The following SDS variants were observed in gnomAD, a reference collection of about 807,000 sequenced individuals.
The protein encoded by SDS is serine dehydratase, also known as L-serine dehydratase/L-threonine deaminase.
In SDS, 19 loss-of-function variants were observed where a neutral mutation model predicts 29.3. That is an observed-to-expected ratio of 0.65 (90% confidence interval 0.45 to 0.95). The LOEUF is 0.95. SDS is among the 40% of genes least tolerant of loss of function. The pLI is 0.00. For synonymous variants in SDS, 176 were observed against 189.0 expected (o/e 0.93, Z 0.56); for missense variants, 375 against 439.9 (o/e 0.85, Z 1.32).
At position 113,398,523 on chromosome 12, in the gene SDS, G is replaced by C. The variant is rs1282564144; in HGVS notation, c.417C>G (p.Pro139=). 1 of 1,590,144 alleles carries C rather than the reference G, an allele frequency of 6.3e-7. No individual in the cohort carries two copies. The highest frequency in any genetic ancestry group is 1.4e-5 in the African/African-American group (1 of 73,640). The change falls in exon 5 of 8, where the codon CCC becomes CCG. Residue 139 remains proline, a synonymous_variant. Coordinates refer to ENST00000257549, the MANE Select transcript of SDS (RefSeq NM_006843.3). The part of the protein sequence containing the change: ...GWVYIPPFDD[P]LIWEGHASIV... ...CCTTGAACTCCACATACCAGATGAG[G>C]GGGTCATCAAAGGGGGGAATGTAGA... is the stretch of plus-strand genomic sequence containing the variant.
chr12:113,402,012 C>T (rs1220689995), intron 1 of SDS, among the ~76,000 whole-genome samples: 2 of 152,108 alleles, frequency 1.3e-5, no homozygotes, highest in Non-Finnish European at 2.9e-5. Context: ...GACATCCATC[C>T]CCCGCTCCCA....
At chr12:113,396,549 CCTT>C in intron 6 of SDS, 1 of 33,256 alleles carries the variant, frequency 3.0e-5, no homozygotes, top group Non-Finnish European at 6.6e-5. Flanking sequence ...TCTCTCCCTT[CCTT>C]CCTTCCTTCC....
Position 113,397,185 on chromosome 12 carries a change from G to C in SDS, c.633C>G (p.Val211=). ...FHAATTAGKL[V]SLPKITSVAK... ...CTCACCTGGTGATCTTGGGCAGGGAGACAAGTTTGCCTGCGGTGGTGGCAG... is the reference window on the plus strand; with the variant it reads ...CTCACCTGGTGATCTTGGGCAGGGACACAAGTTTGCCTGCGGTGGTGGCAG... Residue 211 remains valine (V), a synonymous_variant, in exon 6 of 8, where the codon GTC becomes GTG. Transcript: ENST00000257549. 6.2e-7 allele frequency: 1 copy of C among 1,614,212 alleles called. No homozygotes were observed. The highest frequency in any genetic ancestry group is 8.5e-7 in the Non-Finnish European group (1 of 1,180,018).
chr12:113,399,281 C>T (rs765864222), intron 2 of SDS, 130 bp from the exon 3 acceptor site: 1 of 1,073,268 alleles, frequency 9.3e-7, no homozygotes. Context: ...TTTGTTCTAC[C>T]CTTGTCTGAG....
At position 113,397,320 on chromosome 12, in the gene SDS, T is replaced by A. The variant is rs201884808; in HGVS notation, c.498A>T (p.Ser166=). The change falls in exon 6 of 8, where the codon TCA becomes TCT. Residue 166 remains serine (S), a synonymous_variant. Coordinates refer to ENST00000257549, the MANE Select transcript of SDS (RefSeq NM_006843.3). ...CACACAGCAGGCCCCCGCCGCCCAC[T>A]GACAGCGCGATGGCCCCCGGCTTTT... is the stretch of plus-strand genomic sequence containing the variant. ...LWEKPGAIAL[S]VGGGGLLCGV... The A allele has an allele frequency of 2.7e-5, 43 of 1,613,946 alleles. No homozygotes were observed. The highest frequency in any genetic ancestry group is 3.0e-5 in the Non-Finnish European group (35 of 1,179,964).
At position 113,397,389 on chromosome 12, in the gene SDS, T is replaced by C. The variant is rs777510966; in HGVS notation, c.429A>G (p.Glu143=). 1 of 1,602,742 alleles carries C rather than the reference T, an allele frequency of 6.2e-7. No homozygotes were observed. Among genetic ancestry groups the C allele is most frequent in the Non-Finnish European group, 8.5e-7 (1 of 1,171,672 alleles). Residue 143 remains glutamate, a synonymous_variant, in exon 6 of 8, where the codon GAA becomes GAG. Transcript: ENST00000257549. ...IPPFDDPLIW[E]GHASIVKELK... ...GCTCTTTCACGATGGAAGCGTGGCC[T>C]TCCCTGGAGGGTGGGGAGAGGGGGT...
At chr12:113,394,235 C>T (rs1014092458) in intron 6 of SDS, among the ~76,000 whole-genome samples, 2 of 151,920 alleles carry the variant, frequency 1.3e-5, no homozygotes, top group African/African-American at 4.8e-5. Context: ...TTTGAATTGA[C>T]ATCATATAGT....
chr12:113,399,113 C>T lies in SDS; in HGVS notation c.192G>A (p.Ser64=), dbSNP rs745596901. The T allele has an allele frequency of 5.0e-6, 8 of 1,614,004 alleles. No individual in the cohort carries two copies. The highest frequency in any genetic ancestry group is 5.9e-6 in the Non-Finnish European group (7 of 1,179,946). ...KQGCAHFVCS[S]AGNAGMAAAY... ...AGGATGGGGAAGCAGATCACTTACC[C>T]GAGGAGCAGACAAAATGTGCACAGC... The change falls in exon 3 of 8, where the codon TCG becomes TCA. Residue 64 remains serine, a splice_region_variant and synonymous_variant. Transcript: ENST00000257549.
At chr12:113,403,567 C>T (rs1005643275) in intron 1 of SDS, among the ~76,000 whole-genome samples, 1 of 151,954 alleles carries the variant, frequency 6.6e-6, no homozygotes, top group Non-Finnish European at 1.5e-5. Flanking sequence ...GGGGGTCTCA[C>T]TCTGTTGCCC....
In SDS at chr12:113,392,889, CCTCCAGGGGTCT is replaced by C; in HGVS notation, c.*40_*51del. ...CGAGGCGCTGGATAAAACTCCAGCC[CCTCCAGGGGTCT>C]CTTGGGCTAGGAGAGCACAGATCGG... On this transcript the variant is annotated 3_prime_UTR_variant, in exon 8 of 8. Coordinates refer to ENST00000257549, the MANE Select transcript of SDS (RefSeq NM_006843.3). 6.5e-7 allele frequency: 1 copy of C among 1,547,364 alleles called. No individual in the cohort carries two copies. Among genetic ancestry groups the C allele is most frequent in the Non-Finnish European group, 8.9e-7 (1 of 1,127,330 alleles).
chr12:113,395,683 C>T (rs2136933078), intron 6 of SDS, among the ~76,000 whole-genome samples: 1 of 152,314 alleles, frequency 6.6e-6, no homozygotes, highest in African/African-American at 2.4e-5. Context: ...GACTGAAACA[C>T]TACATGCTAA....
chr12:113,403,417 G>T (rs1002172348), intron 1 of SDS, among the ~76,000 whole-genome samples: 1 of 152,052 alleles, frequency 6.6e-6, no homozygotes, highest in Non-Finnish European at 1.5e-5. Flanking sequence ...CAAGCTACTC[G>T]GGAGGCTGAG....
At chr12:113,399,926 C>T (rs1957674131) in intron 1 of SDS, among the ~76,000 whole-genome samples, 1 of 152,200 alleles carries the variant, frequency 6.6e-6, no homozygotes, top group African/African-American at 2.4e-5. Flanking sequence ...TCAGGGATCA[C>T]CCTCCACTCC....
In SDS at chr12:113,398,718, C is replaced by T; in HGVS notation, c.322G>A (p.Val108Met). 6.2e-7 allele frequency: 1 copy of T among 1,614,194 alleles called. No homozygotes were observed. The highest frequency in any genetic ancestry group is 8.5e-7 in the Non-Finnish European group (1 of 1,180,006). ...RLKNEGATVK[V>M]VGELLDEAFE... is the part of the protein sequence containing the mutation. ...GGGTCGGCACTCACCTCACCCACCA[C>T]CTTGACTGTGGCACCTTCATTCTTG... is the stretch of plus-strand genomic sequence containing the variant. The change falls in exon 4 of 8, where the codon GTG becomes ATG. Residue 108 changes from valine (V) to methionine (M), a missense_variant. Transcript: ENST00000257549.
At chr12:113,394,247 T>C (rs1174504130) in intron 6 of SDS, among the ~76,000 whole-genome samples, 1 of 151,750 alleles carries the variant, frequency 6.6e-6, no homozygotes, top group Non-Finnish European at 1.5e-5. Context: ...TCATATAGTA[T>C]ATTCTTTAGT....
intron 1 of SDS, among the ~76,000 whole-genome samples, chr12:113,401,465 C>G (rs1332653735): frequency 6.6e-6 from 1 of 152,138 alleles, no homozygotes; most frequent in African/African-American, 2.4e-5. Flanking sequence ...CTCCTGGCCT[C>G]AAGCGTTCTG....
chr12:113,397,601 G>T (rs898346550), intron 5 of SDS, among the ~76,000 whole-genome samples: 1 of 152,150 alleles, frequency 6.6e-6, no homozygotes, highest in African/African-American at 2.4e-5. Flanking sequence ...TCAGGAGATG[G>T]CAGCCCCTTA....
chr12:113,399,037 C>A, intron 3 of SDS, 75 bp downstream of exon 3: 1 of 1,594,876 alleles, frequency 6.3e-7, no homozygotes. Context: ...GCTGGGGAAA[C>A]CAGGGCTCAG....
In SDS at chr12:113,398,808, G is replaced by C; in HGVS notation, c.232C>G (p.Gln78Glu). The change falls in exon 4 of 8, where the codon CAA becomes GAA. Residue 78 changes from glutamine to glutamate, a missense_variant. Physicochemically the swap from Gln to Glu is conservative, Grantham distance 29. Coordinates refer to ENST00000257549, the MANE Select transcript of SDS (RefSeq NM_006843.3). ...ACGATGGTGGCGGGGACGCCGAGTT[G>C]CCTGGCCGCATATGCAGCCGCCATG... is the stretch of plus-strand genomic sequence containing the variant. ...AGMAAAYAAR[Q>E]LGVPATIVVP... The C allele has an allele frequency of 6.2e-7, 1 of 1,611,078 alleles. No individual in the cohort carries two copies. The highest frequency in any genetic ancestry group is 8.5e-7 in the Non-Finnish European group (1 of 1,178,952).
Sources: allele counts gnomAD v4.1 joint callset (sites outside exome capture counted in the v4.1 genomes callset), GRCh38; gene constraint gnomAD v4.1.1; transcripts MANE v1.5; gene names NCBI Gene and HGNC (gene_info 2026-07-23, HGNC 2026-07-21).